Variants in NFILZ observed in about 807,000 individuals in gnomAD.
The protein encoded by NFILZ is NFIL3 like protein.
chr19:8,664,541 A>C (rs572936768), intron 3 of NFILZ, among the ~76,000 whole-genome samples: 34 of 152,170 alleles, frequency 2.2e-4, no homozygotes, highest in African/African-American at 8.2e-4. Flanking sequence ...TTGAAGACTG[A>C]GTTCCCACAG....
At chr19:8,640,978 C>T (rs2042916575) in intron 3 of NFILZ, among the ~76,000 whole-genome samples, 1 of 152,184 alleles carries the variant, frequency 6.6e-6, no homozygotes, top group African/African-American at 2.4e-5. Flanking sequence ...CAGTTCAATG[C>T]CTCGGTAATA....
At chr19:8,642,953 C>CTTTTT (rs35200818) in intron 3 of NFILZ, among the ~76,000 whole-genome samples, 11 of 139,358 alleles carry the variant, frequency 7.9e-5, no homozygotes, top group African/African-American at 2.4e-4. Context: ...GATTTTGACT[C>CTTTTT]TTTTTTTTTT....
chr19:8,643,632 C>T (rs2042927729), intron 3 of NFILZ, among the ~76,000 whole-genome samples: 1 of 152,160 alleles, frequency 6.6e-6, no homozygotes, highest in Non-Finnish European at 1.5e-5. Flanking sequence ...GGAATAGGGA[C>T]ATTGATCTTC....
intron 3 of NFILZ, among the ~76,000 whole-genome samples, chr19:8,639,808 G>A (rs1300845012): frequency 1.3e-5 from 2 of 152,068 alleles, no homozygotes; most frequent in Non-Finnish European, 2.9e-5. Flanking sequence ...TTTTATATGC[G>A]GTAGGCGTGT....
At chr19:8,663,770 G>GTGTGTGTGTGTGTGTATGTGTGTTTGT (rs2043048509) in intron 3 of NFILZ, among the ~76,000 whole-genome samples, 1 of 149,020 alleles carries the variant, frequency 6.7e-6, no homozygotes, top group Non-Finnish European at 1.5e-5. Context: ...GTGTGTGTGT[G>GTGTGTGTGTGTGTGTATGTGTGTTTGT]TATGTATGTG....
chr19:8,657,323 C>T (rs1042710693), intron 3 of NFILZ, among the ~76,000 whole-genome samples: 6 of 151,652 alleles, frequency 4.0e-5, no homozygotes, highest in Admixed American at 2.6e-4. Flanking sequence ...AGGATGGTCT[C>T]GATCTCCTGA....
At chr19:8,631,830 T>TTATGTGTGTGTGTGTGTGTGTG in intron 1 of NFILZ, among the ~76,000 whole-genome samples, 1 of 146,010 alleles carries the variant, frequency 6.8e-6, no homozygotes, top group East Asian at 2.1e-4. Flanking sequence ...GTCCTCGCTT[T>TTATGTGTGTGTGTGTGTGTGTG]TGTGTGTGTG....
At chr19:8,660,650 T>C (rs1344224853) in intron 3 of NFILZ, among the ~76,000 whole-genome samples, 5 of 145,908 alleles carry the variant, frequency 3.4e-5, no homozygotes, top group Admixed American at 6.8e-5. Flanking sequence ...CTTTTTTTTT[T>C]TTTTAAGATG....
intron 2 of NFILZ, among the ~76,000 whole-genome samples, chr19:8,633,194 G>C (rs2042878549): frequency 6.6e-6 from 1 of 151,816 alleles, no homozygotes; most frequent in Non-Finnish European, 1.5e-5. Context: ...CTAATTTTTT[G>C]TATTTTCAGT....
At chr19:8,673,991 C>T (rs1358163843) in intron 3 of NFILZ, among the ~76,000 whole-genome samples, 2 of 152,180 alleles carry the variant, frequency 1.3e-5, no homozygotes, top group East Asian at 3.8e-4. Context: ...CAGGTGCATG[C>T]CCTCATGCCT....
intron 2 of NFILZ, among the ~76,000 whole-genome samples, chr19:8,634,864 CACAAACAA>C (rs150599717): frequency 0.042 from 6,263 of 150,546 alleles, 382 homozygotes; most frequent in African/African-American, 0.14. Context: ...AAGACCCTAT[CACAAACAA>C]ACAAACAAAC....
chr19:8,659,656 T>C (rs1053494872), intron 3 of NFILZ, among the ~76,000 whole-genome samples: 11 of 152,118 alleles, frequency 7.2e-5, no homozygotes, highest in African/African-American at 2.4e-4. Flanking sequence ...CAGCAGATAG[T>C]GTCTGTGAAG....
At chr19:8,659,903 A>G (rs1220990508) in intron 3 of NFILZ, among the ~76,000 whole-genome samples, 1 of 151,904 alleles carries the variant, frequency 6.6e-6, no homozygotes, top group Non-Finnish European at 1.5e-5. Flanking sequence ...GGCCACCTCT[A>G]GGGTGGTGGG....
At chr19:8,653,123 C>A (rs2042977154) in intron 3 of NFILZ, among the ~76,000 whole-genome samples, 1 of 148,764 alleles carries the variant, frequency 6.7e-6, no homozygotes, top group Non-Finnish European at 1.5e-5. Context: ...CTCTTGTTGC[C>A]CAGGCTGGAG....
rs1368806662 is a variant in NFILZ at position 8,676,734 on chromosome 19, T to G, written c.-15-17T>G. On this transcript the variant is annotated splice_polypyrimidine_tract_variant and intron_variant, in intron 5 of 5. Coordinates refer to ENST00000691075, the MANE Select transcript of NFILZ (RefSeq NM_001378600.1). ...CACCCTTTGCCATTACTCCAAGAAC[T>G]CTTTCCTTTTTCCCAGGTTCTCCAA... is the stretch of plus-strand genomic sequence containing the variant. 6.6e-6 allele frequency: 1 copy of G among 152,398 alleles called. No homozygotes were observed. Among genetic ancestry groups the G allele is most frequent in the Non-Finnish European group, 1.5e-5 (1 of 68,194 alleles). The allele number at this position is 152,398 out of a possible 1,614,324, so 9.4% of individuals were successfully genotyped here.
chr19:8,653,522 C>T (rs899910387), intron 3 of NFILZ, among the ~76,000 whole-genome samples: 1 of 152,114 alleles, frequency 6.6e-6, no homozygotes, highest in Non-Finnish European at 1.5e-5. Flanking sequence ...TTCAACTGCA[C>T]GCATGTTTTT....
intron 3 of NFILZ, among the ~76,000 whole-genome samples, chr19:8,667,727 G>C (rs1384606921): frequency 7.3e-5 from 11 of 151,690 alleles, no homozygotes; most frequent in African/African-American, 2.7e-4. Flanking sequence ...TGTATTTTTA[G>C]TACAGACGAG....
chr19:8,652,326 A>C (rs2042968145), intron 3 of NFILZ, among the ~76,000 whole-genome samples: 1 of 151,772 alleles, frequency 6.6e-6, no homozygotes, highest in African/African-American at 2.4e-5. Context: ...GATGGTCTCG[A>C]TCTCCTGACC....
intron 3 of NFILZ, among the ~76,000 whole-genome samples, chr19:8,650,864 T>C (rs538296124): frequency 3.9e-5 from 6 of 152,196 alleles, no homozygotes; most frequent in Non-Finnish European, 7.3e-5. Flanking sequence ...TAGCGCATTT[T>C]CATCATTTAT....
Sources: allele counts gnomAD v4.1 joint callset (sites outside exome capture counted in the v4.1 genomes callset), GRCh38; gene constraint gnomAD v4.1.1; transcripts MANE v1.5; gene names NCBI Gene and HGNC (gene_info 2026-07-23, HGNC 2026-07-21).